The following KIAA0513 variants were observed in gnomAD, a reference collection of about 807,000 sequenced individuals.
KIAA0513 encodes uncharacterized protein KIAA0513.
In KIAA0513, 39 loss-of-function variants were observed where a neutral mutation model predicts 56.5. The observed-to-expected ratio is 0.69, with a 90% CI of 0.53 to 0.90. The LOEUF is 0.90. Among genes scored for constraint, KIAA0513 ranks in the 40% least tolerant of loss-of-function variants. KIAA0513 has a pLI of 0.00. For missense variants in KIAA0513, 591 were observed against 535.2 expected (o/e 1.10, Z -1.03); for synonymous variants, 268 against 215.6 (o/e 1.24, Z -2.13).
intron 1 of KIAA0513, among the ~76,000 whole-genome samples, chr16:85,060,937 T>G (rs1392195173): frequency 2.0e-5 from 3 of 151,748 alleles, no homozygotes; most frequent in African/African-American, 7.2e-5. Context: ...GTAGATCACC[T>G]GAGGTCAGGA....
At chr16:85,031,506 T>G (rs765751542) in intron 1 of KIAA0513, among the ~76,000 whole-genome samples, 112 of 152,296 alleles carry the variant, frequency 7.4e-4, no homozygotes, top group Middle Eastern at 3.4e-3. Flanking sequence ...TAAAAACTCT[T>G]GAGTTAAATC....
chr16:85,086,847 A>G, intron 11 of KIAA0513, 123 bp downstream of exon 11: 1 of 960,482 alleles, frequency 1.0e-6, no homozygotes, highest in Non-Finnish European at 1.6e-6. Context: ...GGTTCATCAC[A>G]CTTGGCCTCC....
At position 85,085,259 on chromosome 16, in the gene KIAA0513, C is replaced by G. The variant is rs557078003; in HGVS notation, c.1011-1385C>G. On this transcript the variant is annotated intron_variant, in intron 10 of 12. Coordinates refer to ENST00000683363, the MANE Select transcript of KIAA0513 (RefSeq NM_001388359.1). ...GGTGTCTTCGTGGGCATCCTGCCAT[C>G]GGCACGAGGAGGCTGGGAGTGACCT... is the stretch of plus-strand genomic sequence containing the variant. Among the ~76,000 whole-genome samples, 468 of 152,326 alleles carry G rather than the reference C, an allele frequency of 3.1e-3. 3 individuals are homozygous for G. The highest frequency in any genetic ancestry group is 0.011 in the African/African-American group (451 of 41,570).
At chr16:85,044,510 A>ATTTTTT (rs746418986) in intron 1 of KIAA0513, among the ~76,000 whole-genome samples, 1 of 136,958 alleles carries the variant, frequency 7.3e-6, no homozygotes, top group Non-Finnish European at 1.6e-5. Flanking sequence ...TTTTATTTTT[A>ATTTTTT]TTTTTTTTTT....
At chr16:85,041,604 T>C (rs1046644156) in intron 1 of KIAA0513, among the ~76,000 whole-genome samples, 1 of 152,134 alleles carries the variant, frequency 6.6e-6, no homozygotes, top group African/African-American at 2.4e-5. Flanking sequence ...CTGGACAAAG[T>C]AACACCTTTT....
At chr16:85,042,362 A>G (rs2073114643) in intron 1 of KIAA0513, among the ~76,000 whole-genome samples, 1 of 151,934 alleles carries the variant, frequency 6.6e-6, no homozygotes, top group Admixed American at 6.5e-5. Context: ...TGGTCGAGGG[A>G]GTATTAATCC....
chr16:85,077,669 G>T (rs549844956), intron 6 of KIAA0513, 37 bp downstream of exon 6: 3 of 1,504,616 alleles, frequency 2.0e-6, no homozygotes, highest in Non-Finnish European at 2.7e-6. Context: ...ACCTGCAGGG[G>T]ACTGGGGAGA....
Position 85,088,442 on chromosome 16 carries a change from T to G in KIAA0513, c.*117T>G, listed in dbSNP as rs1001207354. The G allele has an allele frequency of 6.1e-5, 49 of 805,372 alleles. 2 individuals are homozygous for G. In the South Asian group the frequency reaches 7.1e-4, roughly 12 times the overall value. 49.9% of individuals were successfully genotyped at this position (805,372 alleles called of 1,614,324 possible). A position where few individuals can be genotyped will look rare whatever the true frequency, so the allele number is the denominator to read the frequency against. On this transcript the variant is annotated 3_prime_UTR_variant, in exon 13 of 13. Coordinates refer to ENST00000683363, the MANE Select transcript of KIAA0513 (RefSeq NM_001388359.1). Reference sequence around the variant, plus strand: ...TGAAGCCAGCAGCACCCAGAGCCACTCCTGCTGCCCTAGAACTAGCGGTTA... The same window carrying G: ...TGAAGCCAGCAGCACCCAGAGCCACGCCTGCTGCCCTAGAACTAGCGGTTA...
At chr16:85,061,274 C>T (rs1291605077) in intron 1 of KIAA0513, among the ~76,000 whole-genome samples, 1 of 152,172 alleles carries the variant, frequency 6.6e-6, no homozygotes, top group Non-Finnish European at 1.5e-5. Flanking sequence ...ATAATGCGCA[C>T]ACCCTTTGGC....
intron 1 of KIAA0513, among the ~76,000 whole-genome samples, chr16:85,057,026 C>G (rs1040431160): frequency 6.6e-6 from 1 of 152,320 alleles, no homozygotes; most frequent in Non-Finnish European, 1.5e-5. Flanking sequence ...CTTATTTTTC[C>G]TACTGGGTGT....
intron 1 of KIAA0513, among the ~76,000 whole-genome samples, chr16:85,065,735 G>C (rs1370501278): frequency 1.3e-5 from 2 of 152,214 alleles, no homozygotes; most frequent in Admixed American, 1.3e-4. Flanking sequence ...GTGGTTAGAG[G>C]TGTGCTCTGC....
intron 2 of KIAA0513, among the ~76,000 whole-genome samples, chr16:85,069,453 T>TTGGG (rs2073540185): frequency 6.6e-6 from 1 of 151,768 alleles, no homozygotes; most frequent in Admixed American, 6.6e-5. Flanking sequence ...GAGGGTAAAA[T>TTGGG]AAGGAGTATT....
intron 1 of KIAA0513, among the ~76,000 whole-genome samples, chr16:85,046,408 C>G (rs1029712269): frequency 2.6e-5 from 4 of 152,254 alleles, no homozygotes; most frequent in Non-Finnish European, 5.9e-5. Context: ...AATTCTCCCA[C>G]CTCCTTTCCC....
chr16:85,080,140 G>A (rs1247744807), intron 8 of KIAA0513, among the ~76,000 whole-genome samples: 1 of 150,280 alleles, frequency 6.7e-6, no homozygotes, highest in Non-Finnish European at 1.5e-5. Flanking sequence ...CTGTCAGGAA[G>A]GCCCTTGAGG....
rs888015091 is a variant in KIAA0513 at position 85,076,228 on chromosome 16, A to C, written c.574+314A>C. Among the ~76,000 whole-genome samples the C allele has an allele frequency of 6.6e-6, 1 of 152,210 alleles. No individual in the cohort carries two copies. Among genetic ancestry groups the C allele is most frequent in the African/African-American group, 2.4e-5 (1 of 41,440 alleles). On this transcript the variant is annotated intron_variant, in intron 5 of 12. Coordinates refer to ENST00000683363, the MANE Select transcript of KIAA0513 (RefSeq NM_001388359.1). This position sits in a 1 kb window ranked among gnomAD's most constrained non-coding sequence, Gnocchi z 4.7. The stretch of plus-strand genomic sequence containing the variant: ...AGGCAGGACATTTCATGGTGGAAAC[A>C]GGAACTGCTGGACATGAAGTTATCA...
chr16:85,065,790 T>C (rs1167624152), intron 1 of KIAA0513, among the ~76,000 whole-genome samples: 3 of 152,220 alleles, frequency 2.0e-5, no homozygotes, highest in Non-Finnish European at 2.9e-5. Context: ...CCTAGCTGTC[T>C]GCCTCTGTAC....
At chr16:85,064,403 G>T (rs973928387) in intron 1 of KIAA0513, among the ~76,000 whole-genome samples, 1 of 152,148 alleles carries the variant, frequency 6.6e-6, no homozygotes, top group Non-Finnish European at 1.5e-5. Flanking sequence ...GTAAGTTTTT[G>T]TGTGTTTTGA....
chr16:85,047,374 C>G (rs927115852), intron 1 of KIAA0513, among the ~76,000 whole-genome samples: 1 of 152,198 alleles, frequency 6.6e-6, no homozygotes, highest in Non-Finnish European at 1.5e-5. Context: ...CTCTCGAGCA[C>G]TTTCCGGTTT....
rs375891995 is a variant in KIAA0513, at chr16:85,056,211, T to C, written c.-172-10689T>C. ...CAGTGGGGATCCAGGATCCCAGACA[T>C]GGATCCTAAACTGCCATAGGAGCCA... On this transcript the variant is annotated intron_variant, in intron 1 of 12. Coordinates refer to ENST00000683363, the MANE Select transcript of KIAA0513 (RefSeq NM_001388359.1). 5.9e-5 allele frequency among the ~76,000 whole-genome samples: 9 copies of C among 152,338 alleles called. No homozygotes were observed. In the Middle Eastern group the frequency reaches 0.01, roughly 173 times the overall value.
Sources: gnomAD v4.1 joint callset for allele counts (sites outside exome capture counted in the v4.1 genomes callset) on GRCh38, gnomAD v4.1.1 for gene constraint, Gnocchi (gnomAD v3.1) non-coding constraint, MANE v1.5 for transcripts, NCBI Gene and HGNC (gene_info 2026-07-23, HGNC 2026-07-21) for gene names.